Variants in SPG7 observed in about 807,000 individuals in gnomAD.
SPG7 encodes mitochondrial inner membrane m-AAA protease component paraplegin.
In SPG7, 103 loss-of-function variants were observed where a neutral mutation model predicts 81.9. The ratio of observed to expected loss-of-function variants is 1.26; its 90% confidence interval spans 1.07 to 1.48. The LOEUF (loss-of-function observed/expected upper bound fraction) is 1.48, where lower values mean the gene tolerates loss of function less well. SPG7 is among the 40% of genes most tolerant of loss of function. The probability of loss-of-function intolerance (pLI) is 0.00; values close to 1 mark genes in which losing one functional copy is unlikely to be tolerated. For missense variants in SPG7, 1,241 were observed against 1,087.3 expected (o/e 1.14, Z -1.99); for synonymous variants, 534 against 444.2 (o/e 1.20, Z -2.54).
chr16:89,529,309 A>G (rs547278344), intron 5 of SPG7, 168 bp from the exon 6 acceptor site: 9 of 659,406 alleles, frequency 1.4e-5, no homozygotes, highest in African/African-American at 1.1e-4. Flanking sequence ...AGCGAGAATG[A>G]GACGAGAGAA....
At chr16:89,520,118 A>G (rs916598339) in intron 3 of SPG7, 2 of 152,284 alleles carry the variant, frequency 1.3e-5, no homozygotes, top group African/African-American at 4.8e-5. Flanking sequence ...TGCTGAGGTC[A>G]CACCCCAGTT....
chr16:89,526,290 C>T (rs1195039498), intron 4 of SPG7, 39 bp from the exon 5 acceptor site: 1 of 1,612,840 alleles, frequency 6.2e-7, no homozygotes, highest in East Asian at 2.2e-5. Flanking sequence ...TCGTCTGTCC[C>T]TGCGTTTCTC....
intron 3 of SPG7, chr16:89,523,347 G>C (rs1455121733): frequency 7.4e-6 from 2 of 269,596 alleles, no homozygotes; most frequent in East Asian, 1.9e-4. Flanking sequence ...AGTTCAGAAT[G>C]GTTGTTGGGT....
At chr16:89,534,903 T>A (rs1293969666) in intron 9 of SPG7, among the ~76,000 whole-genome samples, 1 of 152,172 alleles carries the variant, frequency 6.6e-6, no homozygotes, top group Non-Finnish European at 1.5e-5. Context: ...CTGTGTCATT[T>A]GTTGGTCTTG....
intron 1 of SPG7, chr16:89,509,028 G>A (rs578211901): frequency 4.4e-6 from 2 of 453,800 alleles, no homozygotes; most frequent in East Asian, 1.4e-4. Flanking sequence ...GAACGTTTCT[G>A]TGTCCGCAAA....
chr16:89,530,857 C>T (rs915990035), intron 7 of SPG7, 49 bp downstream of exon 7: 1 of 1,612,146 alleles, frequency 6.2e-7, no homozygotes, highest in Non-Finnish European at 8.5e-7. Flanking sequence ...GGCCGGCCGT[C>T]CTCCTCTCCC....
intron 3 of SPG7, among the ~76,000 whole-genome samples, 179 bp downstream of exon 3, chr16:89,513,216 A>G (rs994174297): frequency 6.6e-6 from 1 of 152,122 alleles, no homozygotes; most frequent in African/African-American, 2.4e-5. Context: ...TGAGGCCTAT[A>G]CCACATAGCG....
intron 3 of SPG7, chr16:89,519,254 G>C (rs1182816930): frequency 1.3e-5 from 2 of 152,216 alleles, no homozygotes; most frequent in Non-Finnish European, 2.9e-5. Context: ...AAAGTGCTGG[G>C]ATTACAGGTG....
At position 89,556,991 on chromosome 16, in the gene SPG7, G is replaced by A; in HGVS notation, c.2286G>A (p.Arg762=). 6.2e-7 allele frequency: 1 copy of A among 1,613,968 alleles called. No homozygotes were observed. Among genetic ancestry groups the A allele is most frequent in the Non-Finnish European group, 8.5e-7 (1 of 1,179,996 alleles). Residue 762 remains arginine, a synonymous_variant, in exon 17 of 17, where the codon AGG becomes AGA. Coordinates refer to ENST00000645818, the MANE Select transcript of SPG7 (RefSeq NM_003119.4). ...HGPKKMIAPQ[R]WIDAQREKQD... ...CGAAGAAAATGATCGCACCGCAGAGGTGGATCGACGCCCAGAGGGAGAAAC... is the reference window on the plus strand; with the variant it reads ...CGAAGAAAATGATCGCACCGCAGAGATGGATCGACGCCCAGAGGGAGAAAC...
At position 89,531,948 on chromosome 16, in the gene SPG7, C is replaced by T. The variant is rs116319889; in HGVS notation, c.1032C>T (p.Gly344=). The T allele has an allele frequency of 5.8e-3, 9,335 of 1,614,118 alleles. 56 individuals are homozygous for T. Among genetic ancestry groups the T allele is most frequent in the Middle Eastern group, 0.02 (122 of 6,058 alleles). The part of the protein sequence containing the change: ...FLQLGAKVPK[G]ALLLGPPGCG... ...AGCTTGGCGCCAAGGTCCCAAAGGGCGCACTGCTGCTCGGCCCCCCCGGCT... is the reference window on the plus strand; with the variant it reads ...AGCTTGGCGCCAAGGTCCCAAAGGGTGCACTGCTGCTCGGCCCCCCCGGCT... The change falls in exon 8 of 17, where the codon GGC becomes GGT. Residue 344 remains glycine (G), a synonymous_variant. Transcript: ENST00000645818.
At chr16:89,533,299 C>CT (rs1179673204) in intron 9 of SPG7, 4 of 152,556 alleles carry the variant, frequency 2.6e-5, no homozygotes, top group African/African-American at 9.6e-5. Flanking sequence ...TCTCGAGTAG[C>CT]TGAGACTACA....
intron 9 of SPG7, among the ~76,000 whole-genome samples, chr16:89,542,671 G>A (rs2058510347): frequency 1.3e-5 from 2 of 152,168 alleles, no homozygotes; most frequent in South Asian, 4.1e-4. Context: ...GTGAGGCTCA[G>A]GACAGTGGCC....
chr16:89,525,624 T>A (rs564499950), intron 4 of SPG7, among the ~76,000 whole-genome samples: 1 of 152,294 alleles, frequency 6.6e-6, no homozygotes, highest in Admixed American at 6.5e-5. Context: ...CCAGTCATGC[T>A]GAAATCTGAG....
intron 5 of SPG7, among the ~76,000 whole-genome samples, chr16:89,528,015 C>T (rs564524100): frequency 1.9e-4 from 29 of 152,106 alleles, no homozygotes; most frequent in Non-Finnish European, 3.8e-4. Context: ...TGTCTCATGT[C>T]TTTGTAGGCC....
chr16:89,530,462 C>T (rs2058326182), intron 6 of SPG7: 7 of 609,226 alleles, frequency 1.1e-5, no homozygotes, highest in Middle Eastern at 4.5e-4. Context: ...TTTTTTAAAG[C>T]AAATTGCTAG....
intron 9 of SPG7, chr16:89,539,977 T>C (rs1237779929): frequency 1.3e-5 from 2 of 152,314 alleles, no homozygotes; most frequent in Admixed American, 6.5e-5. Context: ...TTTCTGCCTG[T>C]GGAAAAGTGC....
At chr16:89,525,728 C>G (rs1224755769) in intron 4 of SPG7, among the ~76,000 whole-genome samples, 1 of 152,138 alleles carries the variant, frequency 6.6e-6, no homozygotes, top group African/African-American at 2.4e-5. Flanking sequence ...GAGGGATGAA[C>G]AGTCTCAGGT....
At chr16:89,525,796 C>T (rs950976241) in intron 4 of SPG7, among the ~76,000 whole-genome samples, 1 of 152,118 alleles carries the variant, frequency 6.6e-6, no homozygotes, top group Non-Finnish European at 1.5e-5. Context: ...CTGTTTTTGG[C>T]CGTAGTCTTG....
At chr16:89,552,802 G>A in intron 13 of SPG7, 177 bp from the exon 14 acceptor site, 1 of 657,930 alleles carries the variant, frequency 1.5e-6, no homozygotes, top group Non-Finnish European at 2.8e-6. Flanking sequence ...TGGGAACGCT[G>A]CTGTCTCTGG....
Sources: allele counts gnomAD v4.1 joint callset (sites outside exome capture counted in the v4.1 genomes callset), GRCh38; gene constraint gnomAD v4.1.1; transcripts MANE v1.5; gene names NCBI Gene and HGNC (gene_info 2026-07-23, HGNC 2026-07-21).